The following ATP8A2 variants were observed in gnomAD, a reference collection of about 807,000 sequenced individuals.
ATP8A2 encodes the protein phospholipid-transporting ATPase IB.
ATP8A2 carries 100 observed loss-of-function variants against 165.6 expected under a neutral mutation model. That is an observed-to-expected ratio of 0.60 (90% CI 0.51 to 0.71). The LOEUF is 0.71. Ranked by LOEUF, ATP8A2 falls within the 30% of genes least tolerant of loss-of-function variation. The pLI is 0.00. For synonymous variants in ATP8A2, 543 were observed against 548.8 expected (o/e 0.99, Z 0.15); for missense variants, 1,227 against 1,479.5 (o/e 0.83, Z 2.80).
chr13:25,744,356 TG>T (rs933752328), intron 25 of ATP8A2, among the ~76,000 whole-genome samples: 2 of 151,028 alleles, frequency 1.3e-5, no homozygotes, highest in Admixed American at 6.6e-5. Flanking sequence ...CCCTTCTCTG[TG>T]AGCCGGTGGC....
intron 25 of ATP8A2, among the ~76,000 whole-genome samples, chr13:25,762,700 C>T (rs894101226): frequency 1.3e-5 from 2 of 151,990 alleles, no homozygotes; most frequent in Non-Finnish European, 2.9e-5. Context: ...CTGTACAAAT[C>T]TTAAATTAGA....
intron 24 of ATP8A2, among the ~76,000 whole-genome samples, chr13:25,677,686 T>G (rs1441514319): frequency 6.6e-6 from 1 of 152,116 alleles, no homozygotes; most frequent in African/African-American, 2.4e-5. Context: ...GAGAGATAGG[T>G]GGCCTGTATT....
At chr13:25,996,640 C>A (rs575773709) in intron 35 of ATP8A2, among the ~76,000 whole-genome samples, 9 of 152,118 alleles carry the variant, frequency 5.9e-5, no homozygotes, top group Non-Finnish European at 1.3e-4. Context: ...ATTCTCCTGC[C>A]TCAGCCTCCT....
At chr13:25,506,961 ATCT>A (rs1566196315) in intron 2 of ATP8A2, among the ~76,000 whole-genome samples, 2 of 145,240 alleles carry the variant, frequency 1.4e-5, no homozygotes, top group East Asian at 2.0e-4. Context: ...ATATATATAT[ATCT>A]TATTTTACAT....
At chr13:25,524,923 C>T (rs545858751) in intron 2 of ATP8A2, among the ~76,000 whole-genome samples, 9 of 95,984 alleles carry the variant, frequency 9.4e-5, no homozygotes, top group Non-Finnish European at 1.9e-4. Context: ...TCCTTCCTTC[C>T]TTCCTTCCTT....
At chr13:25,419,502 G>A (rs1225252499) in intron 1 of ATP8A2, among the ~76,000 whole-genome samples, 1 of 126,536 alleles carries the variant, frequency 7.9e-6, no homozygotes, top group African/African-American at 4.0e-5. Flanking sequence ...TGCTGTTTTA[G>A]CATTTTTTAT....
chr13:25,771,806 C>A (rs971188638), intron 26 of ATP8A2, among the ~76,000 whole-genome samples: 4 of 152,196 alleles, frequency 2.6e-5, no homozygotes, highest in Non-Finnish European at 5.9e-5. Context: ...TTGCACCAAC[C>A]AACATGCTGC....
chr13:25,783,144 G>A (rs775492955), intron 27 of ATP8A2, among the ~76,000 whole-genome samples: 6 of 152,104 alleles, frequency 3.9e-5, no homozygotes, highest in Admixed American at 6.5e-5. Context: ...TGGAGACGGA[G>A]AGCCTGGCTG....
Position 25,936,198 on chromosome 13 carries a change from C to A in ATP8A2, c.3184-25377C>A, listed in dbSNP as rs149029185. 3.4e-3 allele frequency among the ~76,000 whole-genome samples: 521 copies of A among 152,320 alleles called. 3 individuals carry two copies. Among genetic ancestry groups the A allele is most frequent in the African/African-American group, 0.012 (500 of 41,578 alleles). ...TCCTCTGTGTTGCAAATGGTTTGAACTGGAGCCTTGCATACCTCTGGCATG... is the reference window on the plus strand; with the variant it reads ...TCCTCTGTGTTGCAAATGGTTTGAAATGGAGCCTTGCATACCTCTGGCATG... On this transcript the variant is annotated intron_variant, in intron 33 of 36. Transcript: ENST00000381655.
chr13:25,580,697 C>G (rs1474887037), intron 22 of ATP8A2, among the ~76,000 whole-genome samples: 1 of 152,064 alleles, frequency 6.6e-6, no homozygotes, highest in East Asian at 1.9e-4. Flanking sequence ...CCATGACTGG[C>G]TAAGTTTCAT....
chr13:25,996,846 G>A (rs1418679562), intron 35 of ATP8A2, among the ~76,000 whole-genome samples: 1 of 152,204 alleles, frequency 6.6e-6, no homozygotes, highest in African/African-American at 2.4e-5. Context: ...AACACACCTG[G>A]CTAATTTTTG....
chr13:25,833,500 A>G (rs962364479), intron 28 of ATP8A2, among the ~76,000 whole-genome samples: 4 of 152,190 alleles, frequency 2.6e-5, no homozygotes, highest in African/African-American at 7.2e-5. Flanking sequence ...ACTGTTATTG[A>G]CAAATAAGTT....
At chr13:25,828,275 G>A in intron 28 of ATP8A2, 83 bp downstream of exon 28, 1 of 1,142,924 alleles carries the variant, frequency 8.7e-7, no homozygotes, top group South Asian at 1.2e-5. Flanking sequence ...TCTGGGAAGT[G>A]TATCTGAGTC....
chr13:25,953,737 G>T lies in ATP8A2; in HGVS notation c.3184-7838G>T, dbSNP rs1006706165. Among the ~76,000 whole-genome samples the T allele has an allele frequency of 6.6e-6, 1 of 152,008 alleles. No homozygotes were observed. The highest frequency in any genetic ancestry group is 1.5e-5 in the Non-Finnish European group (1 of 68,002). On this transcript the variant is annotated intron_variant, in intron 33 of 36. Transcript: ENST00000381655. The surrounding 1 kb of genome is among the most constrained non-coding windows in gnomAD (Gnocchi z 6.7). ...GCAGGGTGGGGCGTTGCCTCACCCG[G>T]GAAGCACAGGGGATTGAGGAACTCC... is the stretch of plus-strand genomic sequence containing the variant.
chr13:25,898,146 A>T (rs936146373), intron 33 of ATP8A2, among the ~76,000 whole-genome samples: 1 of 151,760 alleles, frequency 6.6e-6, no homozygotes, highest in African/African-American at 2.4e-5. Flanking sequence ...TTTTTTCCCC[A>T]TCTTTTGGTT....
chr13:25,761,195 A>AC (rs2044371580), intron 25 of ATP8A2, among the ~76,000 whole-genome samples: 1 of 152,178 alleles, frequency 6.6e-6, no homozygotes, highest in Non-Finnish European at 1.5e-5. Flanking sequence ...CCAAAATAAT[A>AC]CCGTCAGTAC....
intron 36 of ATP8A2, 29 bp from the exon 37 acceptor site, chr13:26,019,859 C>T (rs1957057958): frequency 6.5e-7 from 1 of 1,533,956 alleles, no homozygotes; most frequent in Non-Finnish European, 9.0e-7. Flanking sequence ...CTCCTGTTAA[C>T]CAGTTTCTCC....
chr13:25,678,841 G>T (rs2042425194), intron 24 of ATP8A2, among the ~76,000 whole-genome samples: 1 of 152,252 alleles, frequency 6.6e-6, no homozygotes, highest in South Asian at 2.1e-4. Context: ...TGTCACTGGA[G>T]GCTGCTTTGT....
intron 26 of ATP8A2, among the ~76,000 whole-genome samples, chr13:25,771,420 A>G (rs1278466142): frequency 6.6e-6 from 1 of 152,242 alleles, no homozygotes. Flanking sequence ...GAGTTATAAC[A>G]TCATATGGCT....
Sources: gnomAD v4.1 joint callset for allele counts (sites outside exome capture counted in the v4.1 genomes callset) on GRCh38, gnomAD v4.1.1 for gene constraint, Gnocchi (gnomAD v3.1) non-coding constraint, MANE v1.5 for transcripts, NCBI Gene and HGNC (gene_info 2026-07-23, HGNC 2026-07-21) for gene names.